The following OXR1 variants were observed in gnomAD, a reference collection of about 807,000 sequenced individuals.
The protein encoded by OXR1 is oxidation resistance 1.
In OXR1, 41 loss-of-function variants were observed where a neutral mutation model predicts 104.6. That is an observed-to-expected ratio of 0.39 (90% CI 0.31 to 0.51). OXR1 has a LOEUF of 0.51. OXR1 is among the 20% of genes least tolerant of loss of function. OXR1 has a pLI of 0.77. For missense variants in OXR1, 955 were observed against 1,031.9 expected, an observed-to-expected ratio of 0.93 and a Z score of 1.02; for synonymous variants, 348 against 348.4, an observed-to-expected ratio of 1.00 and a Z score of 0.01.
In OXR1 at chr8:106,696,928, G is replaced by T. The variant is rs554315994; in HGVS notation, c.675+4051G>T. On this transcript the variant is annotated intron_variant, in intron 7 of 16. Coordinates refer to ENST00000517566, the MANE Select transcript of OXR1 (RefSeq NM_001198533.2). The stretch of plus-strand genomic sequence containing the variant: ...ATGTGTGGTGAGCACAGTCAGTGCA[G>T]CTGTGGCTGGGGCAGCAGCTGCCAC... 1.6e-4 allele frequency among the ~76,000 whole-genome samples: 25 copies of T among 152,304 alleles called. No individual in the cohort carries two copies. In the South Asian group the frequency reaches 5.0e-3, roughly 30 times the overall value.
At chr8:106,555,775 T>C (rs1242000462) in intron 3 of OXR1, among the ~76,000 whole-genome samples, 3 of 151,666 alleles carry the variant, frequency 2.0e-5, no homozygotes, top group Non-Finnish European at 2.9e-5. Flanking sequence ...TTCAGATAAA[T>C]TACTATTAAA....
At chr8:106,715,417 C>T (rs971033289) in intron 11 of OXR1, among the ~76,000 whole-genome samples, 4 of 146,860 alleles carry the variant, frequency 2.7e-5, no homozygotes, top group South Asian at 2.1e-4. Flanking sequence ...ATATATAATA[C>T]GTATATAATA....
intron 2 of OXR1, among the ~76,000 whole-genome samples, chr8:106,433,375 C>A (rs941073366): frequency 5.9e-5 from 9 of 152,088 alleles, no homozygotes; most frequent in African/African-American, 2.2e-4. Context: ...GTGATGTTAC[C>A]CCCAGGAGCA....
chr8:106,614,295 T>A (rs2130811123), intron 3 of OXR1, among the ~76,000 whole-genome samples: 1 of 152,354 alleles, frequency 6.6e-6, no homozygotes, highest in South Asian at 2.1e-4. Flanking sequence ...CCCATAAAAA[T>A]AAATCAATAA....
At chr8:106,601,861 G>A (rs1484438052) in intron 3 of OXR1, among the ~76,000 whole-genome samples, 2 of 152,204 alleles carry the variant, frequency 1.3e-5, no homozygotes, top group African/African-American at 4.8e-5. Flanking sequence ...TATCCTGTGT[G>A]GGCCTGACCT....
intron 1 of OXR1, among the ~76,000 whole-genome samples, chr8:106,289,708 G>A (rs879719193): frequency 3.3e-5 from 5 of 152,012 alleles, no homozygotes; most frequent in African/African-American, 9.7e-5. Flanking sequence ...AAAACAACAC[G>A]GTACTGGTAC....
chr8:106,329,727 G>A (rs1292061941), intron 1 of OXR1, among the ~76,000 whole-genome samples: 1 of 152,128 alleles, frequency 6.6e-6, no homozygotes, highest in Non-Finnish European at 1.5e-5. Context: ...TCTGGCGAGT[G>A]GGAACAGCAG....
At chr8:106,568,463 T>C (rs1274776390) in intron 3 of OXR1, among the ~76,000 whole-genome samples, 1 of 152,152 alleles carries the variant, frequency 6.6e-6, no homozygotes, top group Non-Finnish European at 1.5e-5. Flanking sequence ...GAGAATGTAC[T>C]AGACGGATGA....
At chr8:106,689,530 A>G (rs572538468) in intron 6 of OXR1, among the ~76,000 whole-genome samples, 31 of 152,174 alleles carry the variant, frequency 2.0e-4, no homozygotes, top group African/African-American at 6.7e-4. Context: ...AATTATAATT[A>G]TAGAGAATTT....
chr8:106,751,484 A>G lies in OXR1; in HGVS notation c.*543A>G, dbSNP rs1305902080. On this transcript the variant is annotated 3_prime_UTR_variant, in exon 17 of 17. Transcript: ENST00000517566. ...CTGAGTTCTAGTTTTTATTCACACTACAACATTCTCTTTAACGATGTTGCA... is the reference window on the plus strand; with the variant it reads ...CTGAGTTCTAGTTTTTATTCACACTGCAACATTCTCTTTAACGATGTTGCA... The G allele has an allele frequency of 6.6e-6, 1 of 152,608 alleles. No individual in the cohort carries two copies. The highest frequency in any genetic ancestry group is 1.5e-5 in the Non-Finnish European group (1 of 68,018). The allele number at this position is 152,608 out of a possible 1,614,324, so 9.5% of individuals were successfully genotyped here. A position where few individuals can be genotyped will look rare whatever the true frequency, so the allele number is the denominator to read the frequency against.
At chr8:106,733,864 G>T (rs1834129619) in intron 11 of OXR1, among the ~76,000 whole-genome samples, 1 of 150,960 alleles carries the variant, frequency 6.6e-6, no homozygotes. Flanking sequence ...AAAAGGATAT[G>T]GGGATATGGC....
At chr8:106,598,373 T>C (rs914162555) in intron 3 of OXR1, among the ~76,000 whole-genome samples, 2 of 152,128 alleles carry the variant, frequency 1.3e-5, no homozygotes, top group Admixed American at 6.5e-5. Flanking sequence ...CCTGTCCTTA[T>C]CACAGCTCTA....
intron 3 of OXR1, chr8:106,581,380 G>T (rs1818210107): frequency 6.5e-6 from 3 of 464,810 alleles, no homozygotes; most frequent in Non-Finnish European, 1.1e-5. Flanking sequence ...AGAGTATTAT[G>T]CAAATAATAG....
At chr8:106,309,277 A>C (rs1455655533) in intron 1 of OXR1, among the ~76,000 whole-genome samples, 1 of 152,206 alleles carries the variant, frequency 6.6e-6, no homozygotes, top group Admixed American at 6.5e-5. Context: ...CACTGCTCCC[A>C]GCTAAATTCT....
chr8:106,581,025 G>T (rs1004875817), intron 3 of OXR1: 32 of 1,072,998 alleles, frequency 3.0e-5, no homozygotes, highest in Non-Finnish European at 3.4e-5. Flanking sequence ...CTTAAAATTA[G>T]TCAGAGGAAG....
intron 3 of OXR1, among the ~76,000 whole-genome samples, chr8:106,585,972 C>A (rs1342482058): frequency 6.6e-6 from 1 of 152,138 alleles, no homozygotes; most frequent in Non-Finnish European, 1.5e-5. Flanking sequence ...ATCTTAGAAG[C>A]TTTTACTCCC....
At chr8:106,370,398 C>T (rs1816654205) in intron 2 of OXR1, among the ~76,000 whole-genome samples, 1 of 152,146 alleles carries the variant, frequency 6.6e-6, no homozygotes, top group Non-Finnish European at 1.5e-5. Context: ...ATTTCTTTCT[C>T]TTGCCTGATT....
intron 3 of OXR1, among the ~76,000 whole-genome samples, chr8:106,559,492 A>G (rs1336619733): frequency 6.6e-6 from 1 of 152,194 alleles, no homozygotes; most frequent in Non-Finnish European, 1.5e-5. Flanking sequence ...TTGTTACAGT[A>G]TCTCCCCACT....
intron 1 of OXR1, among the ~76,000 whole-genome samples, chr8:106,281,117 G>A (rs73698690): frequency 0.016 from 2,441 of 152,198 alleles, 36 homozygotes; most frequent in South Asian, 0.055. Context: ...ACGGTTCTGC[G>A]CTTATCCAAA....
Sources: allele counts gnomAD v4.1 joint callset (sites outside exome capture counted in the v4.1 genomes callset), GRCh38; gene constraint gnomAD v4.1.1; transcripts MANE v1.5; gene names NCBI Gene and HGNC (gene_info 2026-07-23, HGNC 2026-07-21).